Variants in FAM227A observed in about 807,000 individuals in gnomAD.
The protein encoded by FAM227A is family with sequence similarity 227 member A.
A neutral mutation model predicts 74.7 loss-of-function variants in FAM227A; 80 were observed. The ratio of observed to expected loss-of-function variants is 1.07; its 90% CI spans 0.89 to 1.29. The LOEUF is 1.29. Ranked by LOEUF, FAM227A falls within the 50% of genes most tolerant of loss-of-function variation. The pLI is 0.00. For missense variants in FAM227A, 654 were observed against 683.4 expected, an observed-to-expected ratio of 0.96 and a Z score of 0.48; for synonymous variants, 237 against 241.8, an observed-to-expected ratio of 0.98 and a Z score of 0.19.
intron 13 of FAM227A, 74 bp from the exon 14 acceptor site, chr22:38,599,995 T>A (rs2091137836): frequency 2.3e-6 from 3 of 1,307,880 alleles, no homozygotes; most frequent in Non-Finnish European, 3.1e-6. Flanking sequence ...CAGAAAGGCA[T>A]CAAAGCACTC....
chr22:38,650,322 T>C (rs2205802), intron 1 of FAM227A, 60 bp from the exon 2 acceptor site: 198,269 of 686,372 alleles, frequency 0.29, 29,647 homozygotes, highest in East Asian at 0.35. Flanking sequence ...AGCCCAACCA[T>C]GTTCCCCAGC....
chr22:38,613,298 TATATA>T (rs2091484784), intron 11 of FAM227A, among the ~76,000 whole-genome samples: 1 of 77,810 alleles, frequency 1.3e-5, no homozygotes, highest in Non-Finnish European at 2.2e-5. Context: ...ATATATATCA[TATATA>T]ATATATAACA....
At chr22:38,604,765 T>C (rs2091249485) in intron 13 of FAM227A, among the ~76,000 whole-genome samples, 1 of 152,172 alleles carries the variant, frequency 6.6e-6, no homozygotes, top group African/African-American at 2.4e-5. Flanking sequence ...GCGATTCTCC[T>C]GCCTCAGCCT....
At chr22:38,597,418 T>C (rs1387369654) in intron 14 of FAM227A, 62 bp from the exon 15 acceptor site, 48 of 1,498,018 alleles carry the variant, frequency 3.2e-5, no homozygotes, top group Non-Finnish European at 3.9e-5. Flanking sequence ...GCATTATTAG[T>C]GGCATGAGCG....
chr22:38,600,650 T>C (rs2091153888), intron 13 of FAM227A, among the ~76,000 whole-genome samples: 1 of 152,080 alleles, frequency 6.6e-6, no homozygotes, highest in African/African-American at 2.4e-5. Flanking sequence ...TAGTGTTATA[T>C]ATTTTATAGA....
chr22:38,600,698 C>T (rs1359601382), intron 13 of FAM227A, among the ~76,000 whole-genome samples: 1 of 151,924 alleles, frequency 6.6e-6, no homozygotes, highest in Admixed American at 6.6e-5. Flanking sequence ...TAGCTCACAC[C>T]TGTAATCCCA....
At position 38,645,585 on chromosome 22, in the gene FAM227A, G is replaced by C. The variant is rs1409300253; in HGVS notation, c.203C>G (p.Thr68Ser). ...CACCAGGCTGTTGGCCGACGGCTCGGTACGCAGATTTATGTCAGCAATCTT... is the reference window on the plus strand; with the variant it reads ...CACCAGGCTGTTGGCCGACGGCTCGCTACGCAGATTTATGTCAGCAATCTT... ...NQKIADINLR[T>S]EPSANSLAIE... Residue 68 changes from threonine (T) to serine (S), a missense_variant, in exon 3 of 17, where the codon ACC (threonine) becomes AGC (serine). Coordinates refer to ENST00000535113, the MANE Select transcript of FAM227A (RefSeq NM_001013647.2). 6.4e-7 allele frequency: 1 copy of C among 1,551,244 alleles called. No homozygotes were observed. The highest frequency in any genetic ancestry group is 8.7e-7 in the Non-Finnish European group (1 of 1,146,858).
chr22:38,593,645 A>G (rs1291240712), intron 15 of FAM227A, among the ~76,000 whole-genome samples: 3 of 151,932 alleles, frequency 2.0e-5, no homozygotes, highest in Non-Finnish European at 4.4e-5. Flanking sequence ...CCTCACTTAC[A>G]TGTTCAATCT....
chr22:38,627,890 C>T (rs1174824704), intron 8 of FAM227A, among the ~76,000 whole-genome samples: 3 of 152,146 alleles, frequency 2.0e-5, no homozygotes, highest in Non-Finnish European at 4.4e-5. Context: ...AGGTGTGAGC[C>T]ACCATGCCCG....
At chr22:38,628,996 G>T in intron 6 of FAM227A, 61 bp from the exon 7 acceptor site, 2 of 1,050,192 alleles carry the variant, frequency 1.9e-6, no homozygotes, top group Non-Finnish European at 2.8e-6. Flanking sequence ...TCCATCTGGA[G>T]TCAATGTATT....
intron 6 of FAM227A, among the ~76,000 whole-genome samples, chr22:38,635,747 C>A (rs938882066): frequency 5.3e-5 from 8 of 152,286 alleles, no homozygotes; most frequent in African/African-American, 1.7e-4. Flanking sequence ...AATCCCAGCA[C>A]TTTGGGAGGC....
intron 6 of FAM227A, 27 bp from the exon 7 acceptor site, chr22:38,628,962 T>C (rs948130288): frequency 4.9e-6 from 6 of 1,235,486 alleles, no homozygotes; most frequent in Non-Finnish European, 6.8e-6. Flanking sequence ...CACAGTATTA[T>C]TATTGTTGTT....
intron 14 of FAM227A, among the ~76,000 whole-genome samples, chr22:38,598,473 T>C (rs1423398255): frequency 2.0e-5 from 3 of 152,172 alleles, no homozygotes; most frequent in Non-Finnish European, 4.4e-5. Context: ...TAGAGAACAA[T>C]GAAGTGATGT....
At chr22:38,607,594 T>C in intron 11 of FAM227A, 118 bp from the exon 12 acceptor site, 1 of 739,732 alleles carries the variant, frequency 1.4e-6, no homozygotes, top group South Asian at 1.6e-5. Flanking sequence ...TATTTCTTAC[T>C]GTTCTCAGCA....
At chr22:38,646,248 C>CT (rs1165890437) in intron 2 of FAM227A, among the ~76,000 whole-genome samples, 994 of 82,390 alleles carry the variant, frequency 0.012, 111 homozygotes, top group Non-Finnish European at 0.014. Flanking sequence ...TCCAGTATTT[C>CT]TTTTTTTTTT....
intron 11 of FAM227A, among the ~76,000 whole-genome samples, chr22:38,616,019 G>A (rs62228956): frequency 0.044 from 6,734 of 152,130 alleles, 249 homozygotes; most frequent in East Asian, 0.11. Flanking sequence ...GCGTATGGGC[G>A]GTATTTGAAG....
chr22:38,600,046 TAAGAA>T, intron 13 of FAM227A, 125 bp from the exon 14 acceptor site: 1 of 899,340 alleles, frequency 1.1e-6, no homozygotes, highest in Non-Finnish European at 1.6e-6. Flanking sequence ...GGATGCACCC[TAAGAA>T]AATTACTCAA....
chr22:38,599,898 A>G lies in FAM227A; in HGVS notation c.1245T>C (p.Pro415=). Residue 415 remains proline (P), a synonymous_variant, in exon 14 of 17, where the codon CCT becomes CCC. Transcript: ENST00000535113. ...PKKSCAACKS[P]ELTSNLFNIY... ...TGTTGAAGAGGTTTGAAGTCAGCTC[A>G]GGGCTTTTGCAGGCAGCACACGACT... The G allele has an allele frequency of 6.5e-7, 1 of 1,550,364 alleles. No homozygotes were observed. The highest frequency in any genetic ancestry group is 2.4e-5 in the East Asian group (1 of 40,826).
chr22:38,639,409 G>GAAA (rs532672330), intron 4 of FAM227A, among the ~76,000 whole-genome samples: 7 of 105,516 alleles, frequency 6.6e-5, no homozygotes, highest in African/African-American at 2.5e-4. Flanking sequence ...ACTCCGTCTC[G>GAAA]AAAAAAAAAA....
Sources: gnomAD v4.1 joint callset for allele counts (sites outside exome capture counted in the v4.1 genomes callset) on GRCh38, gnomAD v4.1.1 for gene constraint, MANE v1.5 for transcripts, NCBI Gene and HGNC (gene_info 2026-07-23, HGNC 2026-07-21) for gene names.